MAP2K5: variants seen among roughly 807,000 people sequenced by gnomAD.
MAP2K5 encodes dual specificity mitogen-activated protein kinase kinase 5.
Under a neutral mutation model 83.1 loss-of-function variants are expected in MAP2K5, and 49 were observed. That is an observed-to-expected ratio of 0.59 (90% CI 0.47 to 0.75). The LOEUF (loss-of-function observed/expected upper bound fraction) is 0.75, where lower values mean the gene tolerates loss of function less well. Among genes scored for constraint, MAP2K5 ranks in the 30% least tolerant of loss-of-function variants. MAP2K5 has a pLI of 0.00. For synonymous variants in MAP2K5, 202 were observed against 191.8 expected, an observed-to-expected ratio of 1.05 and a Z score of -0.44; for missense variants, 457 against 557.5, an observed-to-expected ratio of 0.82 and a Z score of 1.82.
chr15:67,727,767 A>AT, intron 16 of MAP2K5, 149 bp from the exon 17 acceptor site: 1 of 728,052 alleles, frequency 1.4e-6, no homozygotes, highest in Non-Finnish European at 2.5e-6. Context: ...TCTTAATGTA[A>AT]TTACAGCAAT....
intron 21 of MAP2K5, among the ~76,000 whole-genome samples, chr15:67,797,259 G>A (rs985915479): frequency 2.0e-5 from 3 of 152,128 alleles, no homozygotes; most frequent in Non-Finnish European, 4.4e-5. Flanking sequence ...TATAGTTACT[G>A]CTTGTTCAGA....
rs1448318742 is a variant in MAP2K5 at position 67,628,530 on chromosome 15, A to G, written c.546-2358A>G. ...AAAAAGACACTGAGGAATATCACCT[A>G]AGAGATTATTTTGAATAATATGGAA... is the stretch of plus-strand genomic sequence containing the variant. On this transcript the variant is annotated intron_variant, in intron 8 of 21. Transcript: ENST00000178640. 1.7e-5 allele frequency: 14 copies of G among 830,428 alleles called. No homozygotes were observed. In the East Asian group the frequency reaches 2.9e-4, roughly 17 times the overall value. 51.4% of individuals were successfully genotyped at this position (830,428 alleles called of 1,614,324 possible).
At position 67,542,723 on chromosome 15, in the gene MAP2K5, GC is replaced by G. The variant is rs2084316202; in HGVS notation, c.-611del. 1.0e-5 allele frequency: 1 copy of G among 97,444 alleles called. No individual in the cohort carries two copies. The highest frequency in any genetic ancestry group is 2.5e-5 in the Non-Finnish European group (1 of 39,276). 6.0% of individuals were successfully genotyped at this position (97,444 alleles called of 1,614,324 possible). On this transcript the variant is annotated 5_prime_UTR_variant, in exon 1 of 22. Coordinates refer to ENST00000178640, the MANE Select transcript of MAP2K5 (RefSeq NM_145160.3). Reference sequence around the variant, plus strand: ...CCGCCGCCTTCCTCCTCCTCCTCTCGCCGCTACCGCCGTCGCCGCCGCCGCA... The same window carrying G: ...CCGCCGCCTTCCTCCTCCTCCTCTCGCGCTACCGCCGTCGCCGCCGCCGCA...
intron 21 of MAP2K5, among the ~76,000 whole-genome samples, chr15:67,789,248 G>A (rs1333129880): frequency 5.3e-5 from 8 of 151,952 alleles, no homozygotes; most frequent in Non-Finnish European, 1.2e-4. Context: ...ATTTATCCAG[G>A]ACCCTGTCAT....
Position 67,561,055 on chromosome 15 carries a change from C to G in MAP2K5, c.185-2228C>G, listed in dbSNP as rs973029088. On this transcript the variant is annotated intron_variant, in intron 2 of 21. Transcript: ENST00000178640. The surrounding 1 kb of genome is among the most constrained non-coding windows in gnomAD (Gnocchi z 4.2). The stretch of plus-strand genomic sequence containing the variant: ...AGCAGTCTCTTTTTAACCATAATCT[C>G]TATAGCTAGCTTAGTTGCAGAAATG... 2.6e-5 allele frequency among the ~76,000 whole-genome samples: 4 copies of G among 152,142 alleles called. No individual in the cohort carries two copies. The highest frequency in any genetic ancestry group is 9.7e-5 in the African/African-American group (4 of 41,438).
chr15:67,592,871 G>A (rs1291244610), intron 6 of MAP2K5, 55 bp from the exon 7 acceptor site: 3 of 1,178,978 alleles, frequency 2.5e-6, no homozygotes, highest in East Asian at 2.3e-5. Context: ...GGAATTTTCA[G>A]TGGTGTTCAG....
intron 17 of MAP2K5, among the ~76,000 whole-genome samples, chr15:67,731,142 C>G (rs1004724862): frequency 3.3e-5 from 5 of 152,278 alleles, no homozygotes; most frequent in African/African-American, 1.2e-4. Context: ...AACATGCCAG[C>G]CACAATTGGA....
rs147393641 is a variant in MAP2K5 at position 67,705,597 on chromosome 15, G to T, written c.1044+2189G>T. ...TAAAAATACAAACAATTAGCTGGGT[G>T]TGGTGGTGTACACCTGTAATCCCAG... On this transcript the variant is annotated intron_variant, in intron 16 of 21. Coordinates refer to ENST00000178640, the MANE Select transcript of MAP2K5 (RefSeq NM_145160.3). Among the ~76,000 whole-genome samples the T allele has an allele frequency of 2.7e-3, 414 of 152,200 alleles. 1 individual carries two copies. Among genetic ancestry groups the T allele is most frequent in the Middle Eastern group, 0.01 (3 of 294 alleles).
At chr15:67,692,339 A>C in intron 13 of MAP2K5, 140 bp from the exon 14 acceptor site, 2 of 560,612 alleles carry the variant, frequency 3.6e-6, no homozygotes, top group Non-Finnish European at 6.4e-6. Flanking sequence ...AATGCTTTTC[A>C]TTAAATTTGT....
chr15:67,660,904 A>G (rs1289446800), intron 12 of MAP2K5, among the ~76,000 whole-genome samples: 4 of 152,072 alleles, frequency 2.6e-5, no homozygotes, highest in Admixed American at 6.6e-5. Flanking sequence ...AGTGGAAGAA[A>G]GAGCTAGGCT....
intron 17 of MAP2K5, among the ~76,000 whole-genome samples, chr15:67,743,665 A>G (rs1391440981): frequency 6.6e-6 from 1 of 152,208 alleles, no homozygotes; most frequent in Non-Finnish European, 1.5e-5. Context: ...TTTCTGAGAT[A>G]TGGACACTTT....
chr15:67,800,043 C>T (rs185331041), intron 21 of MAP2K5, among the ~76,000 whole-genome samples: 54 of 152,234 alleles, frequency 3.5e-4, no homozygotes, highest in Admixed American at 3.3e-3. Context: ...ATTAGCCTGG[C>T]CACGCCCAGC....
At chr15:67,614,915 A>G (rs1273014509) in intron 8 of MAP2K5, among the ~76,000 whole-genome samples, 1 of 152,204 alleles carries the variant, frequency 6.6e-6, no homozygotes, top group East Asian at 1.9e-4. Flanking sequence ...CCCTATGTAC[A>G]ATCAGTTATC....
In MAP2K5 at chr15:67,698,412, A is replaced by T. The variant is rs567044787; in HGVS notation, c.972+4844A>T. On this transcript the variant is annotated intron_variant, in intron 15 of 21. Coordinates refer to ENST00000178640, the MANE Select transcript of MAP2K5 (RefSeq NM_145160.3). The surrounding 1 kb of genome is among the most constrained non-coding windows in gnomAD (Gnocchi z 4.5). ...GCCATGTTGGCCATGCTGGTCTCGA[A>T]CTCCTGGCCTCAAGTGATCCACCCT... Among the ~76,000 whole-genome samples the T allele has an allele frequency of 1.3e-5, 2 of 151,970 alleles. No homozygotes were observed. The highest frequency in any genetic ancestry group is 3.9e-4 in the East Asian group (2 of 5,162).
At chr15:67,671,777 G>A (rs1382597388) in intron 13 of MAP2K5, among the ~76,000 whole-genome samples, 1 of 148,198 alleles carries the variant, frequency 6.7e-6, no homozygotes, top group South Asian at 2.2e-4. Context: ...TCGTCATTTA[G>A]CATTAGGTAT....
chr15:67,548,080 T>C (rs2084432731), intron 1 of MAP2K5, among the ~76,000 whole-genome samples: 1 of 152,224 alleles, frequency 6.6e-6, no homozygotes, highest in African/African-American at 2.4e-5. Flanking sequence ...TTTATGTCGA[T>C]GGGCTAAGGC....
At chr15:67,718,355 C>T (rs1425551168) in intron 16 of MAP2K5, among the ~76,000 whole-genome samples, 1 of 152,208 alleles carries the variant, frequency 6.6e-6, no homozygotes, top group Non-Finnish European at 1.5e-5. Flanking sequence ...GTCAGCGTTA[C>T]ACAAACTTTT....
intron 15 of MAP2K5, among the ~76,000 whole-genome samples, chr15:67,699,191 C>T (rs949989203): frequency 2.0e-5 from 3 of 151,678 alleles, no homozygotes; most frequent in Non-Finnish European, 2.9e-5. Flanking sequence ...TGGGCTACTC[C>T]CAGGACAATT....
chr15:67,542,725 CG>C lies in MAP2K5; in HGVS notation c.-610del. 1 of 97,634 alleles carries C rather than the reference CG, an allele frequency of 1.0e-5. No homozygotes were observed. Among genetic ancestry groups the C allele is most frequent in the Non-Finnish European group, 2.5e-5 (1 of 39,374 alleles). The allele number at this position is 97,634 out of a possible 1,614,324, so 6.0% of individuals were successfully genotyped here. A position where few individuals can be genotyped will look rare whatever the true frequency, so the allele number is the denominator to read the frequency against. On this transcript the variant is annotated 5_prime_UTR_variant, in exon 1 of 22. Coordinates refer to ENST00000178640, the MANE Select transcript of MAP2K5 (RefSeq NM_145160.3). ...GCCGCCTTCCTCCTCCTCCTCTCGC[CG>C]CTACCGCCGTCGCCGCCGCCGCAGC...
Sources: gnomAD v4.1 joint callset for allele counts (sites outside exome capture counted in the v4.1 genomes callset) on GRCh38, gnomAD v4.1.1 for gene constraint, Gnocchi (gnomAD v3.1) non-coding constraint, MANE v1.5 for transcripts, NCBI Gene and HGNC (gene_info 2026-07-23, HGNC 2026-07-21) for gene names.